GPHN: variants seen among roughly 807,000 people sequenced by gnomAD.
The protein encoded by GPHN is gephyrin.
GPHN carries 17 observed loss-of-function variants against 95.5 expected under a neutral mutation model. The observed-to-expected ratio is 0.18, with a 90% confidence interval of 0.12 to 0.27. The LOEUF (loss-of-function observed/expected upper bound fraction) is 0.27. Among genes scored for constraint, GPHN ranks in the 10% least tolerant of loss-of-function variants. The probability of loss-of-function intolerance (pLI) is 1.00; values close to 1 mark genes in which losing one functional copy is unlikely to be tolerated. For missense variants in GPHN, 660 were observed against 978.1 expected (o/e 0.67, Z 4.34); for synonymous variants, 320 against 322.5 (o/e 0.99, Z 0.08).
intron 7 of GPHN, among the ~76,000 whole-genome samples, chr14:66,923,449 C>T (rs1358537374): frequency 6.6e-6 from 1 of 151,986 alleles, no homozygotes; most frequent in Non-Finnish European, 1.5e-5. Flanking sequence ...CACAAATTAC[C>T]CTAGTGGTAA....
At chr14:67,063,197 C>T (rs2075894944) in intron 11 of GPHN, among the ~76,000 whole-genome samples, 1 of 152,174 alleles carries the variant, frequency 6.6e-6, no homozygotes, top group African/African-American at 2.4e-5. Flanking sequence ...GGAATCCTTT[C>T]CCATTTCTTG....
chr14:66,911,447 GT>G (rs1397120336), intron 5 of GPHN, among the ~76,000 whole-genome samples: 1 of 151,924 alleles, frequency 6.6e-6, no homozygotes, highest in African/African-American at 2.4e-5. Context: ...TGATAGAGCT[GT>G]TTTACAAAAA....
the GPHN span, among the ~76,000 whole-genome samples, chr14:67,338,918 T>G: frequency 1.3e-5 from 2 of 152,084 alleles, no homozygotes; most frequent in South Asian, 4.1e-4. Context: ...TTTATAATCC[T>G]TTTTAAAAAA....
chr14:67,198,899 G>A, the GPHN span: 1 of 691,272 alleles, frequency 1.4e-6, no homozygotes, highest in Non-Finnish European at 2.6e-6. Context: ...TACCTCTAAA[G>A]TTCCTAGAAA....
intron 2 of GPHN, among the ~76,000 whole-genome samples, chr14:66,715,263 A>G (rs577467176): frequency 6.6e-6 from 1 of 152,220 alleles, no homozygotes; most frequent in East Asian, 1.9e-4. Context: ...GTTTATGCAC[A>G]TTAAGGTGTC....
chr14:66,943,751 A>G (rs1260720840), intron 8 of GPHN, among the ~76,000 whole-genome samples: 3 of 152,174 alleles, frequency 2.0e-5, no homozygotes, highest in Non-Finnish European at 4.4e-5. Flanking sequence ...CACAACACAT[A>G]TATAACTAAA....
the GPHN span, among the ~76,000 whole-genome samples, chr14:67,516,621 T>G: frequency 8.1e-6 from 1 of 123,388 alleles, no homozygotes; most frequent in Non-Finnish European, 1.9e-5. Flanking sequence ...TGATCCTGTG[T>G]CTTCCCCTAA....
intron 5 of GPHN, among the ~76,000 whole-genome samples, chr14:66,893,125 T>A (rs1215532238): frequency 6.6e-6 from 1 of 152,182 alleles, no homozygotes; most frequent in Admixed American, 6.5e-5. Context: ...AACTTTTATA[T>A]TTTCCTAAAT....
chr14:67,250,668 G>T, the GPHN span, among the ~76,000 whole-genome samples: 1 of 152,206 alleles, frequency 6.6e-6, no homozygotes, highest in African/African-American at 2.4e-5. Context: ...TCTGATCCAG[G>T]TGATTCATCG....
At chr14:67,345,997 T>C in the GPHN span, 1 of 658,876 alleles carries the variant, frequency 1.5e-6, no homozygotes, top group East Asian at 2.7e-5. Context: ...CTTCATTGAA[T>C]GTAAACATGA....
chr14:67,066,775 A>G (rs559038665), intron 11 of GPHN, among the ~76,000 whole-genome samples: 1 of 152,112 alleles, frequency 6.6e-6, no homozygotes. Flanking sequence ...GTTTTCAGCT[A>G]CATCAGGTCA....
chr14:67,625,022 G>A, the GPHN span, among the ~76,000 whole-genome samples: 1 of 152,120 alleles, frequency 6.6e-6, no homozygotes, highest in Non-Finnish European at 1.5e-5. Flanking sequence ...ACCATCCCCA[G>A]AAAATTGTCA....
At chr14:66,712,687 T>C (rs1319284618) in intron 2 of GPHN, among the ~76,000 whole-genome samples, 1 of 152,174 alleles carries the variant, frequency 6.6e-6, no homozygotes, top group Non-Finnish European at 1.5e-5. Context: ...AATCAAATGG[T>C]AGTTCTACTT....
At chr14:66,992,402 A>G (rs2071497111) in intron 9 of GPHN, among the ~76,000 whole-genome samples, 1 of 152,196 alleles carries the variant, frequency 6.6e-6, no homozygotes, top group Non-Finnish European at 1.5e-5. Context: ...TTGTCACCCA[A>G]AATAAGACTA....
At chr14:66,737,464 C>T (rs2153437469) in intron 2 of GPHN, among the ~76,000 whole-genome samples, 1 of 152,176 alleles carries the variant, frequency 6.6e-6, no homozygotes, top group African/African-American at 2.4e-5. Context: ...CATATTCTAC[C>T]CAATCCAAGG....
the GPHN span, among the ~76,000 whole-genome samples, chr14:67,547,087 T>C: frequency 6.6e-6 from 1 of 152,122 alleles, no homozygotes; most frequent in African/African-American, 2.4e-5. Context: ...CAAGTCTGTC[T>C]CTGATCCTCA....
intron 18 of GPHN, among the ~76,000 whole-genome samples, chr14:67,152,094 G>A (rs1366791879): frequency 6.6e-6 from 1 of 152,038 alleles, no homozygotes; most frequent in Admixed American, 6.6e-5. Flanking sequence ...TCTTGATTTT[G>A]TCTCCTTTCT....
the GPHN span, among the ~76,000 whole-genome samples, chr14:67,667,620 T>C: frequency 6.6e-6 from 1 of 152,172 alleles, no homozygotes; most frequent in Non-Finnish European, 1.5e-5. Context: ...AGGAAGAACC[T>C]AAGAGCAAAA....
the GPHN span, among the ~76,000 whole-genome samples, chr14:67,546,772 A>G: frequency 2.0e-5 from 3 of 152,188 alleles, no homozygotes; most frequent in Non-Finnish European, 4.4e-5. Context: ...AGGCCAAGGT[A>G]GGAGGATCGC....
Sources: allele counts gnomAD v4.1 joint callset (sites outside exome capture counted in the v4.1 genomes callset), GRCh38; gene constraint gnomAD v4.1.1; transcripts MANE v1.5; gene names NCBI Gene and HGNC (gene_info 2026-07-23, HGNC 2026-07-21).